EPB41L1: variants seen among roughly 807,000 people sequenced by gnomAD.
The protein encoded by EPB41L1 is band 4.1-like protein 1.
EPB41L1 carries 29 observed loss-of-function variants against 97.8 expected under a neutral mutation model. That is an observed-to-expected ratio of 0.30 (90% CI 0.22 to 0.40). EPB41L1 has a LOEUF of 0.40. Among genes scored for constraint, EPB41L1 ranks in the 10% least tolerant of loss-of-function variants. EPB41L1 has a pLI of 1.00. For missense variants in EPB41L1, 812 were observed against 1,162.3 expected (o/e 0.70, Z 4.38); for synonymous variants, 383 against 459.2 (o/e 0.83, Z 2.12).
chr20:36,150,540 C>T (rs965086506), upstream of EPB41L1: 1 of 152,156 alleles, frequency 6.6e-6, no homozygotes, highest in Non-Finnish European at 1.5e-5. Flanking sequence ...GGTTGAAGCT[C>T]AGAGTTTGGC....
At chr20:36,192,296 G>T (rs2061992007) in intron 11 of EPB41L1, among the ~76,000 whole-genome samples, 1 of 152,064 alleles carries the variant, frequency 6.6e-6, no homozygotes, top group Non-Finnish European at 1.5e-5. Context: ...ACTTCGGGAA[G>T]CCAAGGCAGG....
intron 4 of EPB41L1, 63 bp downstream of exon 4, chr20:36,178,119 C>T: frequency 8.3e-7 from 1 of 1,199,670 alleles, no homozygotes; most frequent in Non-Finnish European, 1.2e-6. Flanking sequence ...ATCCTGGCCA[C>T]CCCCAACAGC....
chr20:36,213,428 T>C (rs2063255920), intron 16 of EPB41L1, among the ~76,000 whole-genome samples: 1 of 152,060 alleles, frequency 6.6e-6, no homozygotes, highest in African/African-American at 2.4e-5. Flanking sequence ...AAATAAGACA[T>C]AAACCAATAC....
In EPB41L1 at chr20:36,214,331, G is replaced by GC. The variant is rs763992820; in HGVS notation, c.2185-25dup. On this transcript the variant is annotated intron_variant, in intron 16 of 21. Coordinates refer to ENST00000338074, the MANE Select transcript of EPB41L1 (RefSeq NM_012156.2). ...CTGCAGGTATACCCAGCTCTCCCCAGCTCTAACGACTCCTCCTCTGGTCAG... is the reference window on the plus strand; with the variant it reads ...CTGCAGGTATACCCAGCTCTCCCCAGCCTCTAACGACTCCTCCTCTGGTCAG... 2.5e-5 allele frequency: 40 copies of GC among 1,605,240 alleles called. No homozygotes were observed. The South Asian group carries it at 4.4e-4, about 18-fold the overall frequency.
intron 17 of EPB41L1, 125 bp from the exon 18 acceptor site, chr20:36,218,751 A>C (rs1194984044): frequency 2.3e-6 from 2 of 859,696 alleles, no homozygotes; most frequent in African/African-American, 1.7e-5. Context: ...CGATGCCTTC[A>C]GTCCTTTGCT....
rs753358733 is a variant in EPB41L1 at position 36,173,974 on chromosome 20, G to A, written c.177+20G>A. On this transcript the variant is annotated intron_variant, in intron 2 of 21. Coordinates refer to ENST00000338074, the MANE Select transcript of EPB41L1 (RefSeq NM_012156.2). ...GAACAGGTGTGTGCCCGAGAGCATG[G>A]GCGTACCTTTCCTGCCCAGACCGTC... 20 of 1,604,362 alleles carry A rather than the reference G, an allele frequency of 1.2e-5. No individual in the cohort carries two copies. The highest frequency in any genetic ancestry group is 1.6e-5 in the Non-Finnish European group (19 of 1,175,550).
chr20:36,207,899 G>GAT lies in EPB41L1; in HGVS notation c.1669-1589_1669-1588insAT, dbSNP rs2062918152. ...GCCCCTCGTCATTTCTGCAATCAGA[G>GAT]GCTGCTTATCCATCCCTGTGAGTTT... On this transcript the variant is annotated intron_variant, in intron 14 of 21. Transcript: ENST00000338074. The surrounding 1 kb of genome is among the most constrained non-coding windows in gnomAD (Gnocchi z 4.9). The GAT allele has an allele frequency of 2.1e-5, 23 of 1,105,732 alleles. No homozygotes were observed. In the South Asian group the frequency reaches 2.9e-4, roughly 14 times the overall value. The allele number at this position is 1,105,732 out of a possible 1,614,324, so 68.5% of individuals were successfully genotyped here.
chr20:36,196,236 C>T (rs1027704263), intron 13 of EPB41L1, among the ~76,000 whole-genome samples: 19 of 152,196 alleles, frequency 1.2e-4, no homozygotes, highest in African/African-American at 4.6e-4. Context: ...GGGAAATTCC[C>T]CTCAGGCCCC....
Position 36,194,240 on chromosome 20 carries a change from C to T in EPB41L1, c.1329C>T (p.Ser443=), listed in dbSNP as rs1283497001. Reference sequence around the variant, plus strand: ...AGTTCTCCCGCCCAGCCTCGGTCAGCGAGAACCATGATGCAGGGCCTGACG... The same window carrying T: ...AGTTCTCCCGCCCAGCCTCGGTCAGTGAGAACCATGATGCAGGGCCTGACG... The part of the protein sequence containing the change: ...GAEFSRPASV[S]ENHDAGPDGD... Residue 443 remains serine, a synonymous_variant, in exon 12 of 22, where the codon AGC becomes AGT. Coordinates refer to ENST00000338074, the MANE Select transcript of EPB41L1 (RefSeq NM_012156.2). 11 of 1,613,938 alleles carry T rather than the reference C, an allele frequency of 6.8e-6. No individual in the cohort carries two copies. Among genetic ancestry groups the T allele is most frequent in the South Asian group, 4.4e-5 (4 of 91,070 alleles).
intron 11 of EPB41L1, among the ~76,000 whole-genome samples, chr20:36,192,564 TG>T (rs2062011890): frequency 1.5e-5 from 2 of 133,806 alleles, no homozygotes; most frequent in Non-Finnish European, 1.6e-5. Context: ...AGGTGGAAAG[TG>T]GGGACTTGGG....
At chr20:36,166,872 A>AT (rs753628325) in intron 1 of EPB41L1, among the ~76,000 whole-genome samples, 14 of 152,150 alleles carry the variant, frequency 9.2e-5, no homozygotes, top group Non-Finnish European at 1.6e-4. Context: ...CCAAAAAAAA[A>AT]GAAAGAGAAA....
chr20:36,154,039 G>C (rs190080783), upstream of EPB41L1, among the ~76,000 whole-genome samples: 1 of 152,252 alleles, frequency 6.6e-6, no homozygotes, highest in Non-Finnish European at 1.5e-5. The surrounding 1 kb of genome is among the most constrained non-coding windows in gnomAD (Gnocchi z 5.5). Context: ...TAGGTCCCTG[G>C]GCTCTCACTG....
Position 36,209,833 on chromosome 20 carries a change from T to C in EPB41L1, c.2014T>C (p.Ser672Pro). ...GGGGGCCCCCAGCCAGGATGATGAG[T>C]CTGGGGGCATTGAGGACAGCCCGGA... is the stretch of plus-strand genomic sequence containing the variant. ...NKGAPSQDDE[S>P]GGIEDSPDRG... The change falls in exon 15 of 22, where the codon TCT becomes CCT. Residue 672 changes from serine to proline, a missense_variant. By Grantham distance (74) the Ser-to-Pro change is moderately conservative. Around this residue, in one of 3 missense-constraint regions of EPB41L1, gnomAD observed 498 missense variants for 622.7 expected, o/e 0.80. Coordinates refer to ENST00000338074, the MANE Select transcript of EPB41L1 (RefSeq NM_012156.2). This position sits in a 1 kb window ranked among gnomAD's most constrained non-coding sequence, Gnocchi z 4.2. 1 of 1,613,644 alleles carries C rather than the reference T, an allele frequency of 6.2e-7. No individual in the cohort carries two copies. Among genetic ancestry groups the C allele is most frequent in the Non-Finnish European group, 8.5e-7 (1 of 1,179,962 alleles).
intron 1 of EPB41L1, among the ~76,000 whole-genome samples, chr20:36,163,230 CT>C (rs1274611520): frequency 1.3e-5 from 2 of 152,018 alleles, no homozygotes; most frequent in Non-Finnish European, 2.9e-5. Flanking sequence ...AAAAAGGCCC[CT>C]ATTTCCTTCT....
At chr20:36,203,776 T>C (rs572201601) in intron 14 of EPB41L1, among the ~76,000 whole-genome samples, 1 of 152,332 alleles carries the variant, frequency 6.6e-6, no homozygotes, top group East Asian at 1.9e-4. Context: ...CCCCCCTTCC[T>C]TTTATCTCGC....
chr20:36,187,557 G>T (rs1023528725), intron 7 of EPB41L1, 119 bp from the exon 8 acceptor site: 1 of 821,532 alleles, frequency 1.2e-6, no homozygotes, highest in Non-Finnish European at 2.0e-6. Context: ...AAAGATTAGG[G>T]TGAGGCTCAG....
At position 36,229,402 on chromosome 20, in the gene EPB41L1, G is replaced by A; in HGVS notation, c.*62G>A. ...CAAGCCAGAGAACCATTAAGAAGGGGCCTTCATTCTGGATTCTCCGACGCA... is the reference window on the plus strand; with the variant it reads ...CAAGCCAGAGAACCATTAAGAAGGGACCTTCATTCTGGATTCTCCGACGCA... On this transcript the variant is annotated 3_prime_UTR_variant, in exon 22 of 22. Transcript: ENST00000338074. 1.3e-6 allele frequency: 2 copies of A among 1,574,148 alleles called. No homozygotes were observed. The highest frequency in any genetic ancestry group is 2.2e-5 in the South Asian group (2 of 90,160).
chr20:36,136,338 GTTTTTTTTTT>G (rs60257818), intron 2 of EPB41L1, among the ~76,000 whole-genome samples: 1 of 113,978 alleles, frequency 8.8e-6, no homozygotes, highest in African/African-American at 3.3e-5. Context: ...GCCCGGCTAA[GTTTTTTTTTT>G]TTTTTTTTTT....
intron 2 of EPB41L1, among the ~76,000 whole-genome samples, chr20:36,136,273 C>T (rs1301019529): frequency 2.0e-5 from 3 of 151,556 alleles, no homozygotes; most frequent in Admixed American, 6.6e-5. Flanking sequence ...CAAGCTCAAG[C>T]GATCCTCCCG....
Sources: allele counts gnomAD v4.1 joint callset (sites outside exome capture counted in the v4.1 genomes callset), GRCh38; gene constraint gnomAD v4.1.1; regional missense constraint gnomAD v4.1.1; non-coding constraint Gnocchi (gnomAD v3.1); transcripts MANE v1.5; gene names NCBI Gene and HGNC (gene_info 2026-07-23, HGNC 2026-07-21).